PIP5K1A: variants seen among roughly 807,000 people sequenced by gnomAD.
The protein encoded by PIP5K1A is phosphatidylinositol-4-phosphate 5-kinase type 1 alpha.
PIP5K1A carries 46 observed loss-of-function variants against 72.9 expected under a neutral mutation model. The ratio of observed to expected loss-of-function variants is 0.63; its 90% CI spans 0.50 to 0.81. The LOEUF is 0.81. PIP5K1A is among the 30% of genes least tolerant of loss of function. The pLI is 0.00. For synonymous variants in PIP5K1A, 228 were observed against 255.1 expected, an observed-to-expected ratio of 0.89 and a Z score of 1.01; for missense variants, 458 against 706.1, an observed-to-expected ratio of 0.65 and a Z score of 3.98.
At chr1:151,244,628 C>T (rs587671729) in intron 14 of PIP5K1A, among the ~76,000 whole-genome samples, 10 of 152,200 alleles carry the variant, frequency 6.6e-5, no homozygotes, top group Admixed American at 5.2e-4. Context: ...TGGACTCTAG[C>T]CTGGGTGACA....
intron 1 of PIP5K1A, among the ~76,000 whole-genome samples, chr1:151,208,290 G>C (rs587737406): frequency 6.6e-6 from 1 of 151,816 alleles, no homozygotes; most frequent in Admixed American, 6.6e-5. Context: ...CTAGAAGAGC[G>C]TTAGGAAAAA....
At chr1:151,224,437 A>G (rs1558267567) in intron 3 of PIP5K1A, 31 bp downstream of exon 3, 2 of 1,436,516 alleles carry the variant, frequency 1.4e-6, no homozygotes, top group East Asian at 2.3e-5. Context: ...CTCATCTTTT[A>G]TTGTAGTTTA....
chr1:151,202,254 C>G (rs1488332720), intron 1 of PIP5K1A, among the ~76,000 whole-genome samples: 3 of 152,142 alleles, frequency 2.0e-5, no homozygotes, highest in African/African-American at 7.2e-5. Context: ...TTTAGGATTT[C>G]AGAGTTTCAC....
chr1:151,235,854 G>A (rs1690766643), intron 8 of PIP5K1A, among the ~76,000 whole-genome samples: 1 of 152,220 alleles, frequency 6.6e-6, no homozygotes, highest in Non-Finnish European at 1.5e-5. Flanking sequence ...CGGGCGTGGT[G>A]GCTCACGCCT....
chr1:151,218,262 C>T (rs747248825), intron 1 of PIP5K1A, among the ~76,000 whole-genome samples: 5 of 152,232 alleles, frequency 3.3e-5, no homozygotes, highest in African/African-American at 1.2e-4. Context: ...AAGAAAGGTA[C>T]TTTCATATTC....
chr1:151,234,561 T>G, intron 8 of PIP5K1A, 65 bp downstream of exon 8: 1 of 1,332,918 alleles, frequency 7.5e-7, no homozygotes, highest in Non-Finnish European at 1.1e-6. Context: ...TCTTAGGCAT[T>G]AAGTTTGTGG....
chr1:151,207,057 A>T (rs1686037199), intron 1 of PIP5K1A, among the ~76,000 whole-genome samples: 2 of 151,810 alleles, frequency 1.3e-5, no homozygotes, highest in Admixed American at 1.3e-4. Context: ...TTTAGTAGAG[A>T]TGAGGTTTCA....
At chr1:151,228,690 C>T (rs1432639522) in intron 4 of PIP5K1A, among the ~76,000 whole-genome samples, 2 of 152,072 alleles carry the variant, frequency 1.3e-5, no homozygotes, top group East Asian at 1.9e-4. Flanking sequence ...TCCCATTTAG[C>T]ATCTGTGGTT....
upstream of PIP5K1A, among the ~76,000 whole-genome samples, chr1:151,196,860 CTTT>C (rs34245382): frequency 9.5e-5 from 9 of 95,232 alleles, no homozygotes; most frequent in Non-Finnish European, 8.4e-5. Flanking sequence ...TGCGCCCGGC[CTTT>C]TTTTTTTTTT....
intron 15 of PIP5K1A, among the ~76,000 whole-genome samples, chr1:151,247,446 G>A (rs1418981887): frequency 6.6e-6 from 1 of 151,818 alleles, no homozygotes; most frequent in Non-Finnish European, 1.5e-5. Context: ...GTGTTTTTGA[G>A]ACGGAGTCTT....
intron 1 of PIP5K1A, among the ~76,000 whole-genome samples, chr1:151,212,070 A>G (rs587744299): frequency 5.9e-5 from 9 of 151,812 alleles, no homozygotes; most frequent in African/African-American, 1.9e-4. Context: ...CAAGATCACG[A>G]CGCTGCACTC....
intron 2 of PIP5K1A, 25 bp downstream of exon 2, chr1:151,224,304 T>G: frequency 6.2e-7 from 1 of 1,610,794 alleles, no homozygotes; most frequent in Non-Finnish European, 8.5e-7. Context: ...GATACAATGG[T>G]TACTAAAACC....
chr1:151,217,949 T>TTGTA (rs1281423821), intron 1 of PIP5K1A, among the ~76,000 whole-genome samples: 2 of 152,108 alleles, frequency 1.3e-5, no homozygotes, highest in African/African-American at 4.8e-5. Flanking sequence ...CGGCTAATTT[T>TTGTA]TGTATTTATA....
chr1:151,225,856 A>G (rs1240701171), intron 3 of PIP5K1A, among the ~76,000 whole-genome samples: 1 of 148,234 alleles, frequency 6.7e-6, no homozygotes, highest in African/African-American at 2.5e-5. Context: ...GGCTCACTGC[A>G]ACCTCTGCCT....
intron 1 of PIP5K1A, among the ~76,000 whole-genome samples, chr1:151,223,644 C>CAAAAA (rs34562554): frequency 2.5e-5 from 3 of 120,396 alleles, no homozygotes; most frequent in Non-Finnish European, 5.0e-5. Flanking sequence ...GACTCTGTCT[C>CAAAAA]AAAAAAAAAA....
intron 1 of PIP5K1A, among the ~76,000 whole-genome samples, chr1:151,215,578 C>G (rs976545517): frequency 6.6e-6 from 1 of 151,532 alleles, no homozygotes; most frequent in Non-Finnish European, 1.5e-5. Flanking sequence ...CAGGTGATCA[C>G]GCCTCCCAAA....
chr1:151,218,625 A>G (rs587689646), intron 1 of PIP5K1A, among the ~76,000 whole-genome samples: 1 of 151,906 alleles, frequency 6.6e-6, no homozygotes, highest in South Asian at 2.1e-4. Context: ...CACAAGATCA[A>G]GAGATCGAGA....
chr1:151,216,083 G>A (rs1298007461), intron 1 of PIP5K1A: 1 of 715,004 alleles, frequency 1.4e-6, no homozygotes, highest in Non-Finnish European at 2.2e-6. Flanking sequence ...CATAACAGTT[G>A]CAGACTTCTA....
intron 1 of PIP5K1A, among the ~76,000 whole-genome samples, chr1:151,204,158 G>A (rs1056362127): frequency 2.6e-5 from 4 of 152,092 alleles, no homozygotes; most frequent in African/African-American, 9.7e-5. Flanking sequence ...AACTCCAGTA[G>A]TAGGGATTAT....
Sources: gnomAD v4.1 joint callset for allele counts (sites outside exome capture counted in the v4.1 genomes callset) on GRCh38, gnomAD v4.1.1 for gene constraint, MANE v1.5 for transcripts, NCBI Gene and HGNC (gene_info 2026-07-23, HGNC 2026-07-21) for gene names.